Variants in PTPRT observed in about 807,000 individuals in gnomAD.
PTPRT encodes receptor-type tyrosine-protein phosphatase T.
PTPRT carries 56 observed loss-of-function variants against 176.8 expected under a neutral mutation model. That is an observed-to-expected ratio of 0.32 (90% CI 0.26 to 0.40). The LOEUF is 0.40. Ranked by LOEUF, PTPRT falls within the 10% of genes least tolerant of loss-of-function variation. The probability of loss-of-function intolerance (pLI) is 1.00; values close to 1 mark genes in which losing one functional copy is unlikely to be tolerated. For synonymous variants in PTPRT, 783 were observed against 739.0 expected, an observed-to-expected ratio of 1.06 and a Z score of -0.96; for missense variants, 1,540 against 1,908.2, an observed-to-expected ratio of 0.81 and a Z score of 3.60.
intron 12 of PTPRT, among the ~76,000 whole-genome samples, chr20:42,305,748 C>T (rs1318269485): frequency 1.3e-5 from 2 of 152,152 alleles, no homozygotes; most frequent in African/African-American, 4.8e-5. Flanking sequence ...CATCTCATCC[C>T]TGTTTGACAG....
chr20:42,044,117 A>G, the PTPRT span, among the ~76,000 whole-genome samples: 1 of 152,210 alleles, frequency 6.6e-6, no homozygotes, highest in African/African-American at 2.4e-5. Flanking sequence ...GAAACCAGAC[A>G]GATAAGGACA....
intron 1 of PTPRT, among the ~76,000 whole-genome samples, chr20:43,188,516 T>C (rs1477802946): frequency 6.6e-6 from 1 of 152,118 alleles, no homozygotes; most frequent in African/African-American, 2.4e-5. Flanking sequence ...TGCTCTTTCT[T>C]TCTTCCTTTC....
intron 1 of PTPRT, among the ~76,000 whole-genome samples, chr20:42,929,805 A>G (rs1979719826): frequency 6.6e-6 from 1 of 152,258 alleles, no homozygotes; most frequent in Non-Finnish European, 1.5e-5. Flanking sequence ...AGCGTGGATC[A>G]GACAAAGCAA....
At chr20:43,170,672 T>G (rs779147415) in intron 1 of PTPRT, among the ~76,000 whole-genome samples, 1 of 152,192 alleles carries the variant, frequency 6.6e-6, no homozygotes, top group Non-Finnish European at 1.5e-5. Context: ...CATAACCCCC[T>G]GCCAGACTGG....
At chr20:43,005,856 A>G (rs1026253002) in intron 1 of PTPRT, among the ~76,000 whole-genome samples, 2 of 152,220 alleles carry the variant, frequency 1.3e-5, no homozygotes, top group Non-Finnish European at 2.9e-5. Flanking sequence ...AAGTACACAA[A>G]GATTAATATC....
intron 7 of PTPRT, among the ~76,000 whole-genome samples, chr20:42,648,817 GTTGTTT>G (rs981059842): frequency 3.6e-5 from 4 of 109,896 alleles, no homozygotes; most frequent in Non-Finnish European, 6.8e-5. Flanking sequence ...TTTTGGTGTC[GTTGTTT>G]TTTTTTTTTT....
At chr20:43,100,407 C>T (rs2012351410) in intron 1 of PTPRT, among the ~76,000 whole-genome samples, 1 of 152,080 alleles carries the variant, frequency 6.6e-6, no homozygotes, top group Admixed American at 6.6e-5. Flanking sequence ...AAAGGATATA[C>T]ACACAATGTA....
chr20:42,654,788 G>A (rs1445234322), intron 7 of PTPRT, among the ~76,000 whole-genome samples: 1 of 152,118 alleles, frequency 6.6e-6, no homozygotes, highest in Non-Finnish European at 1.5e-5. Flanking sequence ...TCACACAGCT[G>A]GTAAGTAGTG....
intron 1 of PTPRT, among the ~76,000 whole-genome samples, chr20:42,899,662 T>C (rs1310898604): frequency 6.6e-6 from 1 of 152,222 alleles, no homozygotes; most frequent in Non-Finnish European, 1.5e-5. Context: ...GCAGGAAGTG[T>C]GCATCCCTTT....
intron 9 of PTPRT, among the ~76,000 whole-genome samples, chr20:42,358,209 ACTCT>A (rs946918371): frequency 1.3e-4 from 19 of 151,444 alleles, no homozygotes; most frequent in African/African-American, 4.4e-4. Context: ...GGGGTATAAA[ACTCT>A]CTCTTTTTTT....
the PTPRT span, among the ~76,000 whole-genome samples, chr20:42,065,490 C>T: frequency 3.3e-5 from 5 of 152,174 alleles, no homozygotes; most frequent in African/African-American, 7.2e-5. Flanking sequence ...ATACACACAA[C>T]GTTCTGGGAG....
chr20:43,059,765 T>C (rs2425577), intron 1 of PTPRT, among the ~76,000 whole-genome samples: 55,976 of 151,962 alleles, frequency 0.37, 12,260 homozygotes, highest in African/African-American at 0.6. Flanking sequence ...GATCAACTGA[T>C]GTCAGGAGTT....
intron 7 of PTPRT, among the ~76,000 whole-genome samples, chr20:42,536,237 A>G (rs1410962522): frequency 6.6e-6 from 1 of 152,118 alleles, no homozygotes; most frequent in African/African-American, 2.4e-5. Context: ...AGCACCTAAC[A>G]TTTCTCGAAA....
intron 2 of PTPRT, among the ~76,000 whole-genome samples, chr20:42,844,021 C>T (rs1371642913): frequency 3.9e-5 from 6 of 152,162 alleles, no homozygotes; most frequent in African/African-American, 1.4e-4. Context: ...AAACACAAAA[C>T]TTCAAAATAA....
At chr20:42,399,697 A>C (rs1056957506) in intron 9 of PTPRT, among the ~76,000 whole-genome samples, 18 of 152,142 alleles carry the variant, frequency 1.2e-4, no homozygotes, top group African/African-American at 4.3e-4. Flanking sequence ...TACTGGAGAG[A>C]GGCTCCTTTT....
chr20:42,217,289 C>G (rs1325836487), intron 15 of PTPRT, among the ~76,000 whole-genome samples: 2 of 151,784 alleles, frequency 1.3e-5, no homozygotes, highest in African/African-American at 4.8e-5. Context: ...AGGAGAATCA[C>G]TTGAACCTGA....
chr20:42,962,648 T>C (rs1413565137), intron 1 of PTPRT, among the ~76,000 whole-genome samples: 1 of 152,210 alleles, frequency 6.6e-6, no homozygotes, highest in African/African-American at 2.4e-5. Flanking sequence ...ATCTGCAGGA[T>C]TTAAAGCACT....
chr20:42,270,246 G>T, intron 13 of PTPRT: 1 of 699,700 alleles, frequency 1.4e-6, no homozygotes, highest in Non-Finnish European at 2.5e-6. Context: ...GTGGATGAAT[G>T]AATGTGTGGG....
chr20:42,151,031 C>G (rs1160465656), intron 17 of PTPRT, among the ~76,000 whole-genome samples: 1 of 152,148 alleles, frequency 6.6e-6, no homozygotes, highest in African/African-American at 2.4e-5. Flanking sequence ...AATCTTCCAT[C>G]TTCCATATCC....
Sources: gnomAD v4.1 joint callset for allele counts (sites outside exome capture counted in the v4.1 genomes callset) on GRCh38, gnomAD v4.1.1 for gene constraint, MANE v1.5 for transcripts, NCBI Gene and HGNC (gene_info 2026-07-23, HGNC 2026-07-21) for gene names.